The following PTGS1 variants were observed in gnomAD, a reference collection of about 807,000 sequenced individuals.
PTGS1 encodes the protein prostaglandin-endoperoxide synthase 1, also known as prostaglandin G/H synthase 1.
PTGS1 carries 40 observed loss-of-function variants against 63.0 expected under a neutral mutation model. That is an observed-to-expected ratio of 0.63 (90% confidence interval 0.49 to 0.83). PTGS1 has a LOEUF of 0.83. Among genes scored for constraint, PTGS1 ranks in the 40% least tolerant of loss-of-function variants. The probability of loss-of-function intolerance (pLI) is 0.00; values close to 1 mark genes in which losing one functional copy is unlikely to be tolerated. For missense variants in PTGS1, 709 were observed against 786.5 expected (o/e 0.90, Z 1.18); for synonymous variants, 298 against 301.9 (o/e 0.99, Z 0.13).
At chr9:122,371,584 G>A in intron 2 of PTGS1, 2 of 1,430,346 alleles carry the variant, frequency 1.4e-6, no homozygotes, top group Middle Eastern at 2.6e-4. Context: ...AGCAGCCTCT[G>A]CACCCAACAA....
chr9:122,381,658 C>T lies in PTGS1; in HGVS notation c.679-6C>T. The T allele has an allele frequency of 6.2e-7, 1 of 1,614,104 alleles. No homozygotes were observed. Among genetic ancestry groups the T allele is most frequent in the Non-Finnish European group, 8.5e-7 (1 of 1,179,948 alleles). On this transcript the variant is annotated splice_polypyrimidine_tract_variant and splice_region_variant and intron_variant, in intron 6 of 10. Coordinates refer to ENST00000362012, the MANE Select transcript of PTGS1 (RefSeq NM_000962.4). ...GTGACCTGAGGGAACCCCTCTCTGT[C>T]CACAGGTAGACCTCGGCCACATTTA...
intron 7 of PTGS1, 73 bp downstream of exon 7, chr9:122,381,820 C>G (rs991776737): frequency 4.1e-6 from 6 of 1,474,180 alleles, no homozygotes; most frequent in Non-Finnish European, 5.6e-6. Context: ...CTGCTTGGGG[C>G]GGGGGTCTGG....
intron 2 of PTGS1, among the ~76,000 whole-genome samples, chr9:122,374,790 A>C (rs1462973116): frequency 6.6e-6 from 1 of 152,154 alleles, no homozygotes; most frequent in Non-Finnish European, 1.5e-5. Context: ...CTCAGTCTGC[A>C]TCAAAGCGAC....
chr9:122,375,833 C>T (rs2119123084), intron 2 of PTGS1, among the ~76,000 whole-genome samples: 1 of 152,196 alleles, frequency 6.6e-6, no homozygotes, highest in East Asian at 1.9e-4. Flanking sequence ...CTGCACGGAC[C>T]TCTGGAGTTC....
chr9:122,390,432 A>T, intron 10 of PTGS1, 87 bp downstream of exon 10: 2 of 1,435,024 alleles, frequency 1.4e-6, no homozygotes, highest in East Asian at 2.4e-5. Flanking sequence ...GAACGGGACA[A>T]TACATGCGGC....
chr9:122,377,270 T>C (rs1250117552), intron 2 of PTGS1, among the ~76,000 whole-genome samples: 1 of 152,154 alleles, frequency 6.6e-6, no homozygotes, highest in Non-Finnish European at 1.5e-5. Context: ...TTTGGTCTGG[T>C]GAGACTTGTG....
At chr9:122,375,382 G>T in intron 2 of PTGS1, 1 of 985,512 alleles carries the variant, frequency 1.0e-6, no homozygotes, top group Non-Finnish European at 1.2e-6. Context: ...AGGCCTTCCG[G>T]CTCCACCTCA....
At chr9:122,385,524 T>G (rs909021067) in intron 8 of PTGS1, among the ~76,000 whole-genome samples, 14 of 151,852 alleles carry the variant, frequency 9.2e-5, no homozygotes, top group African/African-American at 2.9e-4. Flanking sequence ...TTTCCCTGGC[T>G]TTTTGCTTTC....
chr9:122,373,957 C>G (rs1444872465), intron 2 of PTGS1, among the ~76,000 whole-genome samples: 1 of 152,126 alleles, frequency 6.6e-6, no homozygotes, highest in Non-Finnish European at 1.5e-5. Context: ...ATCTTGCAGC[C>G]TGACACCTCT....
chr9:122,377,804 TC>T, intron 2 of PTGS1, 94 bp from the exon 3 acceptor site: 1 of 1,127,294 alleles, frequency 8.9e-7, no homozygotes, highest in East Asian at 2.4e-5. Flanking sequence ...GCGACTTAAG[TC>T]CATGCCTCTG....
At chr9:122,391,379 A>G (rs1428533295) in intron 10 of PTGS1, among the ~76,000 whole-genome samples, 2 of 93,746 alleles carry the variant, frequency 2.1e-5, no homozygotes, top group Non-Finnish European at 3.5e-5. Flanking sequence ...ATACATATAT[A>G]TATATACATA....
chr9:122,380,466 AAAATAAAT>A (rs59514121), intron 5 of PTGS1, among the ~76,000 whole-genome samples: 7,916 of 145,802 alleles, frequency 0.054, 620 homozygotes, highest in African/African-American at 0.18. Context: ...CCCTGTCTCA[AAAATAAAT>A]AAATAAATAA....
chr9:122,386,804 GTTC>G (rs1837903066), intron 9 of PTGS1, 72 bp downstream of exon 9: 1 of 1,550,592 alleles, frequency 6.4e-7, no homozygotes, highest in Admixed American at 1.8e-5. Context: ...CAAATTCCAG[GTTC>G]TTCTTCTGTA....
intron 2 of PTGS1, among the ~76,000 whole-genome samples, 160 bp from the exon 3 acceptor site, chr9:122,377,739 G>A (rs1200015473): frequency 6.6e-6 from 1 of 152,178 alleles, no homozygotes; most frequent in African/African-American, 2.4e-5. Flanking sequence ...GTGGGAACAG[G>A]GGTCCCCTTG....
chr9:122,378,452 C>T lies in PTGS1; in HGVS notation c.231C>T (p.Leu77=). 6.2e-7 allele frequency: 1 copy of T among 1,614,088 alleles called. No homozygotes were observed. The highest frequency in any genetic ancestry group is 8.5e-7 in the Non-Finnish European group (1 of 1,180,048). The change falls in exon 4 of 11, where the codon CTC becomes CTT. Residue 77 remains leucine, a synonymous_variant. Coordinates refer to ENST00000362012, the MANE Select transcript of PTGS1 (RefSeq NM_000962.4). ...CTGCAGCTGGCCTGTGGACCTGGCTCCGGAATTCACTGCGGCCCAGCCCCT... is the reference window on the plus strand; with the variant it reads ...CTGCAGCTGGCCTGTGGACCTGGCTTCGGAATTCACTGCGGCCCAGCCCCT... The part of the protein sequence containing the change: ...NCTIPGLWTW[L]RNSLRPSPSF...
chr9:122,371,258 GGGC>G lies in PTGS1; in HGVS notation c.82_84del (p.Ala28del), dbSNP rs1836785107. Reference sequence around the variant, plus strand: ...CTCCCCGTCCTGCTCGCGGACCCAGGGGCGCCCACGCCAGGTAGGCGGCCCCAT... The same window carrying G: ...CTCCCCGTCCTGCTCGCGGACCCAGGGCCCACGCCAGGTAGGCGGCCCCAT... On this transcript the variant is annotated inframe_deletion, in exon 2 of 11. Transcript: ENST00000362012. 6.2e-7 allele frequency: 1 copy of G among 1,605,642 alleles called. No homozygotes were observed. Among genetic ancestry groups the G allele is most frequent in the Non-Finnish European group, 8.5e-7 (1 of 1,179,938 alleles).
chr9:122,383,877 TAGA>T, intron 8 of PTGS1, 122 bp downstream of exon 8: 1 of 1,368,424 alleles, frequency 7.3e-7, no homozygotes, highest in Non-Finnish European at 9.8e-7. Flanking sequence ...GCTTAGTGGC[TAGA>T]AGACCTTGAG....
At chr9:122,375,388 C>G in intron 2 of PTGS1, 1 of 985,504 alleles carries the variant, frequency 1.0e-6, no homozygotes, top group African/African-American at 1.7e-5. Context: ...TCCGGCTCCA[C>G]CTCAGACAGC....
Position 122,386,391 on chromosome 9 carries a change from G to A in PTGS1, c.1010-55G>A, listed in dbSNP as rs1837874496. On this transcript the variant is annotated intron_variant, in intron 8 of 10. Coordinates refer to ENST00000362012, the MANE Select transcript of PTGS1 (RefSeq NM_000962.4). Reference sequence around the variant, plus strand: ...CATGAACTGGCCTGCTTTCCAAGCTGGGCATCTAAATCACTGTGCTTGGCT... The same window carrying A: ...CATGAACTGGCCTGCTTTCCAAGCTAGGCATCTAAATCACTGTGCTTGGCT... The A allele has an allele frequency of 4.4e-6, 7 of 1,574,628 alleles. No individual in the cohort carries two copies. In the South Asian group the frequency reaches 5.7e-5, roughly 13 times the overall value.
Sources: gnomAD v4.1 joint callset for allele counts (sites outside exome capture counted in the v4.1 genomes callset) on GRCh38, gnomAD v4.1.1 for gene constraint, MANE v1.5 for transcripts, NCBI Gene and HGNC (gene_info 2026-07-23, HGNC 2026-07-21) for gene names.